Variants in TASP1 observed in about 807,000 individuals in gnomAD.
The protein encoded by TASP1 is taspase 1, also known as threonine aspartase 1.
Under a neutral mutation model 56.6 loss-of-function variants are expected in TASP1, and 16 were observed. That is an observed-to-expected ratio of 0.28 (90% CI 0.19 to 0.43). The LOEUF is 0.43. Ranked by LOEUF, TASP1 falls within the 20% of genes least tolerant of loss-of-function variation. TASP1 has a pLI of 1.00. For synonymous variants in TASP1, 179 were observed against 184.2 expected, an observed-to-expected ratio of 0.97 and a Z score of 0.23; for missense variants, 393 against 511.6, an observed-to-expected ratio of 0.77 and a Z score of 2.24.
At chr20:13,157,499 G>T in the TASP1 span, among the ~76,000 whole-genome samples, 1 of 152,084 alleles carries the variant, frequency 6.6e-6, no homozygotes, top group Admixed American at 6.5e-5. Context: ...AGAATTCAAA[G>T]CCAGTTCCAT....
the TASP1 span, among the ~76,000 whole-genome samples, chr20:13,345,893 C>T: frequency 8.0e-6 from 1 of 125,374 alleles, no homozygotes; most frequent in Non-Finnish European, 1.6e-5. Flanking sequence ...TTGGTGATAA[C>T]ACTTAGCTTC....
chr20:13,630,933 T>C (rs1297880808), intron 1 of TASP1, among the ~76,000 whole-genome samples: 2 of 152,126 alleles, frequency 1.3e-5, no homozygotes, highest in Admixed American at 6.5e-5. Context: ...TTCCTCATGT[T>C]ATTTTTTAAA....
chr20:13,253,351 A>G, the TASP1 span, among the ~76,000 whole-genome samples: 3,014 of 152,102 alleles, frequency 0.02, 42 homozygotes, highest in Non-Finnish European at 0.022. Flanking sequence ...GTGGGTGACC[A>G]CTCAGAGGGT....
At chr20:13,212,983 C>CGTTA in the TASP1 span, among the ~76,000 whole-genome samples, 1 of 152,102 alleles carries the variant, frequency 6.6e-6, no homozygotes, top group Non-Finnish European at 1.5e-5. Flanking sequence ...TTAGTAAAGA[C>CGTTA]GTTAGAACCA....
chr20:13,545,092 A>G (rs942543929), intron 8 of TASP1, among the ~76,000 whole-genome samples: 1 of 152,196 alleles, frequency 6.6e-6, no homozygotes, highest in African/African-American at 2.4e-5. Context: ...TTATGAATAT[A>G]CCCACAAAAA....
chr20:13,535,604 G>A (rs932019575), intron 8 of TASP1, among the ~76,000 whole-genome samples: 4 of 152,180 alleles, frequency 2.6e-5, no homozygotes, highest in African/African-American at 9.7e-5. Context: ...CAAGGCATGT[G>A]CCCTTCAAGA....
At chr20:13,134,572 G>T in the TASP1 span, among the ~76,000 whole-genome samples, 15 of 152,146 alleles carry the variant, frequency 9.9e-5, no homozygotes, top group African/African-American at 3.4e-4. Flanking sequence ...GTTACCTGGG[G>T]CTTGTTAGAA....
chr20:13,620,135 C>T (rs1008658622), intron 4 of TASP1, among the ~76,000 whole-genome samples: 1 of 151,930 alleles, frequency 6.6e-6, no homozygotes, highest in Admixed American at 6.6e-5. Context: ...CTTAAGATGA[C>T]ATCATTTGTC....
chr20:13,146,001 A>G, the TASP1 span, among the ~76,000 whole-genome samples: 1 of 152,246 alleles, frequency 6.6e-6, no homozygotes, highest in Non-Finnish European at 1.5e-5. Context: ...CACTATTCAC[A>G]ATAGCAAAGA....
At chr20:13,381,342 C>A in the TASP1 span, among the ~76,000 whole-genome samples, 1 of 152,174 alleles carries the variant, frequency 6.6e-6, no homozygotes, top group Non-Finnish European at 1.5e-5. Flanking sequence ...GTTCTCCAAC[C>A]CTTTGCACTT....
chr20:13,550,147 TACACACACACACAC>T (rs149572327), intron 8 of TASP1, among the ~76,000 whole-genome samples: 6 of 135,400 alleles, frequency 4.4e-5, no homozygotes, highest in East Asian at 2.2e-4. Context: ...TATATACACA[TACACACACACACAC>T]ACACACACAC....
chr20:13,236,162 A>G, the TASP1 span, among the ~76,000 whole-genome samples: 60 of 152,202 alleles, frequency 3.9e-4, no homozygotes, highest in African/African-American at 1.3e-3. Flanking sequence ...TAACCTTGTG[A>G]TCCACCCACC....
chr20:13,441,218 G>A, intron 11 of TASP1, among the ~76,000 whole-genome samples: 1 of 152,010 alleles, frequency 6.6e-6, no homozygotes, highest in East Asian at 1.9e-4. Context: ...GCTCCAATAT[G>A]GCCTCCTGCT....
chr20:13,539,252 T>G (rs896136363), intron 8 of TASP1, among the ~76,000 whole-genome samples: 14 of 152,184 alleles, frequency 9.2e-5, no homozygotes, highest in Non-Finnish European at 1.8e-4. Context: ...TTTTCTTTGT[T>G]TAATAGGTAT....
chr20:13,310,560 A>C, the TASP1 span, among the ~76,000 whole-genome samples: 2 of 152,238 alleles, frequency 1.3e-5, no homozygotes, highest in Admixed American at 6.5e-5. Flanking sequence ...AAAAGCAAAA[A>C]TAGGCAAACG....
At chr20:13,321,253 TAA>T in the TASP1 span, among the ~76,000 whole-genome samples, 634 of 57,528 alleles carry the variant, frequency 0.011, 4 homozygotes, top group East Asian at 0.037. Context: ...GTGCCCCACA[TAA>T]AAAAAAAAAA....
the TASP1 span, among the ~76,000 whole-genome samples, chr20:13,255,618 A>C: frequency 6.6e-6 from 1 of 152,190 alleles, no homozygotes. Context: ...GGTAGAGTAG[A>C]CAGAAAGAAG....
At chr20:13,585,655 A>G (rs1485050026) in intron 5 of TASP1, among the ~76,000 whole-genome samples, 1 of 152,170 alleles carries the variant, frequency 6.6e-6, no homozygotes, top group African/African-American at 2.4e-5. Context: ...GGGACACTCA[A>G]TAATACCACT....
chr20:13,284,284 G>A, the TASP1 span, among the ~76,000 whole-genome samples: 1 of 152,186 alleles, frequency 6.6e-6, no homozygotes, highest in Admixed American at 6.5e-5. Flanking sequence ...CAGGACGCTA[G>A]TGCCCTGAAA....
Sources: gnomAD v4.1 joint callset for allele counts (sites outside exome capture counted in the v4.1 genomes callset) on GRCh38, gnomAD v4.1.1 for gene constraint, MANE v1.5 for transcripts, NCBI Gene and HGNC (gene_info 2026-07-23, HGNC 2026-07-21) for gene names.